Variants in VWA8 observed in about 807,000 individuals in gnomAD.
VWA8 encodes von Willebrand factor A domain containing 8, also known as von Willebrand factor A domain-containing protein 8.
VWA8 carries 221 observed loss-of-function variants against 241.5 expected under a neutral mutation model. That is an observed-to-expected ratio of 0.91 (90% CI 0.82 to 1.02). VWA8 has a LOEUF of 1.02. Among genes scored for constraint, VWA8 ranks in the 50% least tolerant of loss-of-function variants. The pLI is 0.00. For missense variants in VWA8, 2,322 were observed against 2,328.7 expected, an observed-to-expected ratio of 1.00 and a Z score of 0.06; for synonymous variants, 852 against 827.1, an observed-to-expected ratio of 1.03 and a Z score of -0.52.
chr13:41,675,168 C>G, intron 36 of VWA8, 47 bp downstream of exon 36: 1 of 1,407,486 alleles, frequency 7.1e-7, no homozygotes, highest in Non-Finnish European at 9.9e-7. Flanking sequence ...AGAATTTACT[C>G]ATTTTTTATG....
intron 21 of VWA8, among the ~76,000 whole-genome samples, chr13:41,746,549 A>ACAT (rs1220786222): frequency 1.3e-5 from 2 of 152,214 alleles, no homozygotes; most frequent in Admixed American, 1.3e-4. Context: ...CTGGGGAGGA[A>ACAT]CATCATCTAA....
At chr13:41,677,926 C>T (rs1566411800) in intron 35 of VWA8, among the ~76,000 whole-genome samples, 1 of 152,080 alleles carries the variant, frequency 6.6e-6, no homozygotes, top group African/African-American at 2.4e-5. Flanking sequence ...TTATTTCATG[C>T]ATGTAGTTGA....
chr13:41,570,379 C>T (rs1388550182), intron 44 of VWA8, 89 bp downstream of exon 44: 7 of 1,187,716 alleles, frequency 5.9e-6, no homozygotes, highest in African/African-American at 3.0e-5. Context: ...CCTCACTGTC[C>T]CTCATGGTGC....
intron 36 of VWA8, among the ~76,000 whole-genome samples, chr13:41,671,421 GT>G (rs1192431714): frequency 6.6e-6 from 1 of 152,140 alleles, no homozygotes; most frequent in Non-Finnish European, 1.5e-5. Flanking sequence ...TAAGAAAGAT[GT>G]TTTTATAAGT....
At chr13:41,670,849 G>T in intron 37 of VWA8, 97 bp downstream of exon 37, 3 of 1,375,224 alleles carry the variant, frequency 2.2e-6, no homozygotes, top group South Asian at 1.3e-5. Context: ...AACTATTTTT[G>T]AGTCACTGGC....
chr13:41,913,409 A>C (rs994135337), intron 2 of VWA8, among the ~76,000 whole-genome samples: 6 of 152,198 alleles, frequency 3.9e-5, no homozygotes, highest in Admixed American at 6.5e-5. Flanking sequence ...ATACAGACAG[A>C]CACAGACATC....
At chr13:41,883,351 G>C in intron 9 of VWA8, 36 bp downstream of exon 9, 1 of 1,541,730 alleles carries the variant, frequency 6.5e-7, no homozygotes, top group East Asian at 2.3e-5. Flanking sequence ...AGGGAAAATG[G>C]GAAAAGAAAG....
chr13:41,908,921 C>A (rs1480878087), intron 3 of VWA8, among the ~76,000 whole-genome samples: 1 of 152,148 alleles, frequency 6.6e-6, no homozygotes, highest in Admixed American at 6.5e-5. Flanking sequence ...GGGATACTGC[C>A]ATACAAGGGG....
At chr13:41,581,665 A>G (rs1348573215) in intron 42 of VWA8, among the ~76,000 whole-genome samples, 3 of 151,398 alleles carry the variant, frequency 2.0e-5, no homozygotes, top group Non-Finnish European at 2.9e-5. Flanking sequence ...TATGGTTTAT[A>G]TGCCTTCACA....
intron 37 of VWA8, among the ~76,000 whole-genome samples, chr13:41,622,768 T>C (rs1391549524): frequency 2.6e-5 from 4 of 152,188 alleles, no homozygotes; most frequent in Non-Finnish European, 5.9e-5. Context: ...GCAAGGCCCA[T>C]ATATTTTAGG....
intron 17 of VWA8, among the ~76,000 whole-genome samples, chr13:41,808,986 TA>T (rs1566465808): frequency 6.6e-6 from 1 of 151,132 alleles, no homozygotes; most frequent in Non-Finnish European, 1.5e-5. Context: ...GAAAAAGAAA[TA>T]AAAAAAGTAA....
intron 2 of VWA8, 148 bp from the exon 3 acceptor site, chr13:41,912,316 T>C: frequency 1.9e-6 from 1 of 540,064 alleles, no homozygotes; most frequent in Non-Finnish European, 2.7e-6. Context: ...TATATAAATA[T>C]ATATAAACAT....
At chr13:41,643,019 T>C (rs2044807101) in intron 37 of VWA8, among the ~76,000 whole-genome samples, 1 of 152,218 alleles carries the variant, frequency 6.6e-6, no homozygotes, top group African/African-American at 2.4e-5. Flanking sequence ...TTATTAAAAG[T>C]TAGCACATGA....
At chr13:41,813,833 T>C (rs1870573532) in intron 16 of VWA8, among the ~76,000 whole-genome samples, 1 of 152,142 alleles carries the variant, frequency 6.6e-6, no homozygotes. Flanking sequence ...TAAAAATTCC[T>C]AATGTATTTA....
chr13:41,607,874 A>G (rs963065607), intron 39 of VWA8, among the ~76,000 whole-genome samples: 3 of 152,128 alleles, frequency 2.0e-5, no homozygotes, highest in Admixed American at 6.6e-5. Flanking sequence ...CTATAAATAT[A>G]AAAGGTACTG....
chr13:41,901,108 ATT>A (rs34752001), intron 4 of VWA8, among the ~76,000 whole-genome samples: 53 of 123,512 alleles, frequency 4.3e-4, no homozygotes, highest in Non-Finnish European at 4.3e-4. Context: ...CATGATCATC[ATT>A]TTTTTTTTTT....
At chr13:41,742,044 G>A (rs978867730) in intron 21 of VWA8, among the ~76,000 whole-genome samples, 2 of 152,188 alleles carry the variant, frequency 1.3e-5, no homozygotes, top group African/African-American at 4.8e-5. Flanking sequence ...AGAAGTTTAA[G>A]GCTACACTTA....
chr13:41,932,910 T>C (rs1330048641), intron 2 of VWA8, among the ~76,000 whole-genome samples: 2 of 151,974 alleles, frequency 1.3e-5, no homozygotes, highest in East Asian at 3.8e-4. Context: ...GAATAAGACG[T>C]TCTCTCTCAT....
At chr13:41,764,483 G>C (rs918070843) in intron 20 of VWA8, among the ~76,000 whole-genome samples, 2 of 152,108 alleles carry the variant, frequency 1.3e-5, no homozygotes, top group Non-Finnish European at 2.9e-5. Context: ...GTCTAGTAGG[G>C]AACACAGACA....
Sources: gnomAD v4.1 joint callset for allele counts (sites outside exome capture counted in the v4.1 genomes callset) on GRCh38, gnomAD v4.1.1 for gene constraint, MANE v1.5 for transcripts, NCBI Gene and HGNC (gene_info 2026-07-23, HGNC 2026-07-21) for gene names.